The following AOPEP variants were observed in gnomAD, a reference collection of about 807,000 sequenced individuals.
The protein encoded by AOPEP is aminopeptidase O (putative), also known as aminopeptidase O.
In AOPEP, 77 loss-of-function variants were observed where a neutral mutation model predicts 98.1. The observed-to-expected ratio is 0.78, with a 90% CI of 0.65 to 0.95. The LOEUF (loss-of-function observed/expected upper bound fraction) is 0.95. Ranked by LOEUF, AOPEP falls within the 40% of genes least tolerant of loss-of-function variation. The pLI is 0.00. For missense variants in AOPEP, 1,024 were observed against 1,024.7 expected, an observed-to-expected ratio of 1.00 and a Z score of 0.01; for synonymous variants, 346 against 365.3, an observed-to-expected ratio of 0.95 and a Z score of 0.60.
At chr9:94,799,437 C>A (rs1847747667) in intron 4 of AOPEP, among the ~76,000 whole-genome samples, 1 of 150,668 alleles carries the variant, frequency 6.6e-6, no homozygotes, top group Admixed American at 6.6e-5. Context: ...TGTGGCATGG[C>A]AACATGCCTG....
intron 1 of AOPEP, among the ~76,000 whole-genome samples, chr9:94,740,419 G>T (rs1832796912): frequency 6.6e-6 from 1 of 152,128 alleles, no homozygotes; most frequent in African/African-American, 2.4e-5. Flanking sequence ...ATTTCTCCAG[G>T]ATTAGCAAGG....
intron 3 of AOPEP, among the ~76,000 whole-genome samples, chr9:94,784,461 T>A (rs1407311096): frequency 6.6e-6 from 1 of 152,170 alleles, no homozygotes; most frequent in Non-Finnish European, 1.5e-5. Flanking sequence ...TCTTCCTTTT[T>A]CCCTCTTCAC....
chr9:94,843,459 C>T (rs754957761), intron 5 of AOPEP, among the ~76,000 whole-genome samples: 1 of 152,106 alleles, frequency 6.6e-6, no homozygotes, highest in African/African-American at 2.4e-5. Flanking sequence ...TGTCTCTGAG[C>T]CTTGGTTCTC....
At chr9:95,050,322 T>C (rs1280510080) in intron 13 of AOPEP, among the ~76,000 whole-genome samples, 3 of 152,242 alleles carry the variant, frequency 2.0e-5, no homozygotes, top group East Asian at 3.8e-4. Context: ...AAATCCATTT[T>C]ATTTTCAGTA....
the AOPEP span, chr9:95,126,445 A>G: frequency 7.7e-7 from 1 of 1,291,802 alleles, no homozygotes; most frequent in South Asian, 1.2e-5. Context: ...ATACAGCCAG[A>G]GACTACCACA....
At chr9:95,071,239 A>T (rs1007184796) in intron 14 of AOPEP, among the ~76,000 whole-genome samples, 1 of 152,036 alleles carries the variant, frequency 6.6e-6, no homozygotes, top group African/African-American at 2.4e-5. Context: ...CCAAACTCTG[A>T]AATGCTTCAA....
At chr9:94,872,210 C>A (rs1296656373) in intron 5 of AOPEP, among the ~76,000 whole-genome samples, 1 of 152,082 alleles carries the variant, frequency 6.6e-6, no homozygotes, top group Non-Finnish European at 1.5e-5. Flanking sequence ...TAAAATGGAT[C>A]GATGGCAGGG....
chr9:94,903,103 C>T (rs2050639997), intron 5 of AOPEP, among the ~76,000 whole-genome samples: 1 of 151,598 alleles, frequency 6.6e-6, no homozygotes, highest in Non-Finnish European at 1.5e-5. Context: ...GCCTCAGCCT[C>T]CCGAGTAGCT....
At chr9:94,868,455 T>A (rs185559030) in intron 5 of AOPEP, among the ~76,000 whole-genome samples, 1 of 152,306 alleles carries the variant, frequency 6.6e-6, no homozygotes, top group Non-Finnish European at 1.5e-5. Context: ...GCATTGAGGG[T>A]CCACTGGAAT....
intron 5 of AOPEP, among the ~76,000 whole-genome samples, chr9:94,901,068 C>G (rs560235341): frequency 1.1e-4 from 14 of 131,136 alleles, no homozygotes; most frequent in Middle Eastern, 3.8e-3. Context: ...GTAATTCATG[C>G]GAAGTTCAAT....
At chr9:94,925,192 T>C (rs1564390129) in intron 6 of AOPEP, among the ~76,000 whole-genome samples, 1 of 152,190 alleles carries the variant, frequency 6.6e-6, no homozygotes, top group African/African-American at 2.4e-5. Flanking sequence ...GGTTTCGCCA[T>C]ATTGGCCAGT....
intron 13 of AOPEP, 105 bp from the exon 14 acceptor site, chr9:95,060,589 A>AT: frequency 1.3e-6 from 1 of 778,974 alleles, no homozygotes; most frequent in East Asian, 2.4e-5. Context: ...TATATGCTGA[A>AT]AGCACCCAGG....
intron 5 of AOPEP, among the ~76,000 whole-genome samples, chr9:94,901,642 T>C (rs1349925068): frequency 6.6e-6 from 1 of 152,164 alleles, no homozygotes; most frequent in Non-Finnish European, 1.5e-5. Flanking sequence ...ACTTTTCACG[T>C]AGAAAAGTGC....
At chr9:95,100,939 C>A in the AOPEP span, 1 of 233,112 alleles carries the variant, frequency 4.3e-6, no homozygotes, top group Admixed American at 5.6e-5. Flanking sequence ...CAGGCCAATT[C>A]TTTATCAGGA....
chr9:94,873,052 A>T (rs1014128914), intron 5 of AOPEP, among the ~76,000 whole-genome samples: 3 of 152,146 alleles, frequency 2.0e-5, no homozygotes, highest in African/African-American at 7.2e-5. Flanking sequence ...GTTGAGGCGG[A>T]TAGCAGAGGA....
intron 14 of AOPEP, among the ~76,000 whole-genome samples, chr9:95,078,386 C>T (rs1380245457): frequency 6.6e-6 from 1 of 152,224 alleles, no homozygotes; most frequent in Non-Finnish European, 1.5e-5. Context: ...TCCATTCTCA[C>T]AATCAAATCT....
chr9:94,771,344 T>G (rs1366094623), intron 2 of AOPEP, among the ~76,000 whole-genome samples: 3 of 152,180 alleles, frequency 2.0e-5, no homozygotes, highest in Non-Finnish European at 4.4e-5. Flanking sequence ...CACCCGTGAC[T>G]CAGAAGTTGA....
chr9:94,806,072 T>A (rs78447217), intron 5 of AOPEP, among the ~76,000 whole-genome samples: 2,262 of 152,250 alleles, frequency 0.015, 54 homozygotes, highest in African/African-American at 0.052. Context: ...TTTTAAACAA[T>A]CCTTCTTTAG....
At chr9:95,084,860 A>G (rs941383747) in intron 16 of AOPEP, among the ~76,000 whole-genome samples, 11 of 152,146 alleles carry the variant, frequency 7.2e-5, no homozygotes, top group African/African-American at 2.4e-4. Flanking sequence ...CTGACTTGAG[A>G]GTCCCCAAAG....
Sources: gnomAD v4.1 joint callset for allele counts (sites outside exome capture counted in the v4.1 genomes callset) on GRCh38, gnomAD v4.1.1 for gene constraint, MANE v1.5 for transcripts, NCBI Gene and HGNC (gene_info 2026-07-23, HGNC 2026-07-21) for gene names.